The following IHO1 variants were observed in gnomAD, a reference collection of about 807,000 sequenced individuals.
The protein encoded by IHO1 is interactor of HORMAD1 protein 1.
Under a neutral mutation model 31.0 loss-of-function variants are expected in IHO1, and 13 were observed. The observed-to-expected ratio is 0.42, with a 90% confidence interval of 0.27 to 0.67. The LOEUF is 0.67. Among genes scored for constraint, IHO1 ranks in the 30% least tolerant of loss-of-function variants. The probability of loss-of-function intolerance (pLI) is 0.24; values close to 1 mark genes in which losing one functional copy is unlikely to be tolerated. For missense variants in IHO1, 599 were observed against 687.5 expected (o/e 0.87, Z 1.44); for synonymous variants, 221 against 248.4 (o/e 0.89, Z 1.04).
At chr3:49,222,604 A>T (rs562557307) in intron 2 of IHO1, among the ~76,000 whole-genome samples, 1 of 152,328 alleles carries the variant, frequency 6.6e-6, no homozygotes, top group South Asian at 2.1e-4. Context: ...GCTTAATAAT[A>T]TTATGAAATA....
intron 4 of IHO1, among the ~76,000 whole-genome samples, chr3:49,244,129 A>G (rs1469242899): frequency 6.6e-6 from 1 of 151,668 alleles, no homozygotes; most frequent in Non-Finnish European, 1.5e-5. Flanking sequence ...TAATTTTTGT[A>G]TTTTTAGTAG....
At chr3:49,195,391 C>T (rs1451027103), upstream of IHO1, among the ~76,000 whole-genome samples, 2 of 149,528 alleles carry the variant, frequency 1.3e-5, no homozygotes, top group Admixed American at 6.8e-5. Flanking sequence ...CATTCCACTC[C>T]AGCCTGAGCG....
At chr3:49,211,948 A>C (rs9867285) in intron 2 of IHO1, 112 bp downstream of exon 2, 1 of 653,424 alleles carries the variant, frequency 1.5e-6, no homozygotes, top group Non-Finnish European at 2.8e-6. Flanking sequence ...AGATCACAAG[A>C]TCAGGAGATC....
chr3:49,207,734 A>G (rs189109369), intron 1 of IHO1, among the ~76,000 whole-genome samples: 1 of 152,116 alleles, frequency 6.6e-6, no homozygotes, highest in East Asian at 1.9e-4. Context: ...TTAAATAAAA[A>G]TAGTCCTCAT....
Position 49,233,097 on chromosome 3 carries a change from G to A in IHO1, c.57-3451G>A, listed in dbSNP as rs149582764. ...GCTGCGTAACGATTCCTGTGGAATC[G>A]TTATTGATTGGTCCCCTAAGGGACC... On this transcript the variant is annotated intron_variant, in intron 2 of 7. Transcript: ENST00000452691. 5.9e-3 allele frequency among the ~76,000 whole-genome samples: 904 copies of A among 152,272 alleles called. 9 individuals carry two copies. Among genetic ancestry groups the A allele is most frequent in the African/African-American group, 0.02 (850 of 41,548 alleles).
intron 2 of IHO1, among the ~76,000 whole-genome samples, chr3:49,234,420 T>C (rs1012096574): frequency 2.6e-5 from 4 of 151,956 alleles, no homozygotes; most frequent in Non-Finnish European, 5.9e-5. Context: ...GCTCAGGTAG[T>C]CTGCCCACCT....
At chr3:49,211,872 G>A (rs760745376) in intron 2 of IHO1, 36 bp downstream of exon 2, 6 of 1,272,468 alleles carry the variant, frequency 4.7e-6, no homozygotes, top group East Asian at 2.3e-5. Flanking sequence ...ATCCTTAAGA[G>A]GATTTTCTGG....
chr3:49,214,645 T>TTTTTTTTTTTATTTTTTTTTTTTTTC (rs2046266681), intron 2 of IHO1, among the ~76,000 whole-genome samples: 1 of 71,298 alleles, frequency 1.4e-5, no homozygotes, highest in Non-Finnish European at 2.8e-5. Flanking sequence ...TTTTTTTTTT[T>TTTTTTTTTTTATTTTTTTTTTTTTTC]TTTTTTTTTT....
intron 2 of IHO1, among the ~76,000 whole-genome samples, chr3:49,222,403 G>C (rs952760563): frequency 2.0e-5 from 3 of 152,084 alleles, no homozygotes; most frequent in African/African-American, 7.2e-5. Flanking sequence ...GGATAGATAG[G>C]CAAAGAGTAA....
At chr3:49,216,325 G>A (rs573446998) in intron 2 of IHO1, among the ~76,000 whole-genome samples, 56 of 152,264 alleles carry the variant, frequency 3.7e-4, no homozygotes, top group African/African-American at 1.3e-3. Context: ...AGGCACAGTG[G>A]CTCACACCTG....
chr3:49,226,969 T>G (rs577052096), intron 2 of IHO1, among the ~76,000 whole-genome samples: 1 of 152,308 alleles, frequency 6.6e-6, no homozygotes, highest in South Asian at 2.1e-4. Flanking sequence ...GAGATTTCTT[T>G]GCTTGTTTTC....
chr3:49,210,174 G>A (rs1052834446), intron 1 of IHO1, among the ~76,000 whole-genome samples: 1 of 151,668 alleles, frequency 6.6e-6, no homozygotes, highest in Non-Finnish European at 1.5e-5. Flanking sequence ...GACTACAGGT[G>A]TATGTTGCCA....
rs1052807121 is a variant in IHO1 at position 49,256,596 on chromosome 3, G to T, written c.1099G>T (p.Ala367Ser). 4 of 1,614,096 alleles carry T rather than the reference G, an allele frequency of 2.5e-6. No individual in the cohort carries two copies. The highest frequency in any genetic ancestry group is 1.7e-5 in the Admixed American group (1 of 59,994). The change falls in exon 8 of 8, where the codon GCC (alanine) becomes TCC (serine). Residue 367 changes from alanine to serine, a missense_variant. Transcript: ENST00000452691. The surrounding 1 kb of genome is among the most constrained non-coding windows in gnomAD (Gnocchi z 4.6). ...GAACTGGGCTGTTACTAAAACAGGTGCCAAGAACCATGGTTCCAGCGTCCC... is the reference window on the plus strand; with the variant it reads ...GAACTGGGCTGTTACTAAAACAGGTTCCAAGAACCATGGTTCCAGCGTCCC... ...CKNWAVTKTG[A>S]KNHGSSVPGH... is the part of the protein sequence containing the mutation.
At chr3:49,211,990 G>A (rs554403124) in intron 2 of IHO1, among the ~76,000 whole-genome samples, 154 bp downstream of exon 2, 20 of 151,516 alleles carry the variant, frequency 1.3e-4, no homozygotes, top group Admixed American at 2.6e-4. Context: ...GTGAAACCCC[G>A]TCTCTACTAA....
rs189123737 is a variant in IHO1, at chr3:49,226,720, C to G, written c.57-9828C>G. On this transcript the variant is annotated intron_variant, in intron 2 of 7. Transcript: ENST00000452691. ...AAAGCCGCATTCTTTTCATTAAAGG[C>G]CAGGGTTTGATCTAACAATAGCATG... 4.3e-3 allele frequency among the ~76,000 whole-genome samples: 651 copies of G among 152,296 alleles called. 4 individuals carry two copies. Among genetic ancestry groups the G allele is most frequent in the Middle Eastern group, 0.024 (7 of 294 alleles).
rs551277956 is a variant in IHO1 at position 49,216,457 on chromosome 3, G to C, written c.56+4621G>C. Among the ~76,000 whole-genome samples the C allele has an allele frequency of 2.0e-5, 3 of 152,262 alleles. No individual in the cohort carries two copies. The South Asian group carries it at 6.2e-4, about 32-fold the overall frequency. On this transcript the variant is annotated intron_variant, in intron 2 of 7. Coordinates refer to ENST00000452691, the MANE Select transcript of IHO1 (RefSeq NM_001135197.2). ...AAAAATACAAAAATTAGCCGGGTGT[G>C]GTGGTGGGCTCCTGTAATCCCAGCT... is the stretch of plus-strand genomic sequence containing the variant.
At chr3:49,211,122 C>G (rs1385123778) in intron 1 of IHO1, among the ~76,000 whole-genome samples, 1 of 151,768 alleles carries the variant, frequency 6.6e-6, no homozygotes, top group Admixed American at 6.6e-5. Flanking sequence ...ATTCTCCTGC[C>G]CCGGCCTCCT....
intron 2 of IHO1, 35 bp from the exon 3 acceptor site, chr3:49,236,511 TTG>T: frequency 6.9e-7 from 1 of 1,444,994 alleles, no homozygotes; most frequent in South Asian, 1.2e-5. Flanking sequence ...TTCAGGATAT[TTG>T]TCTATTTGAT....
intron 4 of IHO1, 51 bp from the exon 5 acceptor site, chr3:49,244,353 T>C (rs375781609): frequency 2.3e-5 from 25 of 1,071,262 alleles, no homozygotes; most frequent in Non-Finnish European, 3.2e-5. Flanking sequence ...ATGTTACTTA[T>C]CACTTCAATA....
Sources: gnomAD v4.1 joint callset for allele counts (sites outside exome capture counted in the v4.1 genomes callset) on GRCh38, gnomAD v4.1.1 for gene constraint, Gnocchi (gnomAD v3.1) non-coding constraint, MANE v1.5 for transcripts, NCBI Gene and HGNC (gene_info 2026-07-23, HGNC 2026-07-21) for gene names.